The following HEPH variants were observed in gnomAD, a reference collection of about 807,000 sequenced individuals.
HEPH encodes hephaestin.
Under a neutral mutation model 80.8 loss-of-function variants are expected in HEPH, and 69 were observed. The ratio of observed to expected loss-of-function variants is 0.85; its 90% CI spans 0.70 to 1.04. The LOEUF is 1.04. Ranked by LOEUF, HEPH falls within the 50% of genes least tolerant of loss-of-function variation. The probability of loss-of-function intolerance (pLI) is 0.00; values close to 1 mark genes in which losing one functional copy is unlikely to be tolerated. For synonymous variants in HEPH, 431 were observed against 322.8 expected, an observed-to-expected ratio of 1.34 and a Z score of -3.60; for missense variants, 1,115 against 891.3, an observed-to-expected ratio of 1.25 and a Z score of -3.20.
At chrX:66,187,381 G>C (rs1278668663) in intron 4 of HEPH, among the ~76,000 whole-genome samples, 1 of 111,041 alleles carries the variant, frequency 9.0e-6, no homozygotes, top group African/African-American at 3.3e-5. Context: ...CATTTGAGTG[G>C]GCTCTGTCAG....
intron 15 of HEPH, among the ~76,000 whole-genome samples, chrX:66,208,928 G>T (rs1464964822): frequency 1.8e-5 from 2 of 108,420 alleles, no homozygotes; most frequent in Non-Finnish European, 3.8e-5. Flanking sequence ...TACCCTTCTT[G>T]CAGACTGAAT....
rs2086574252 is a variant in HEPH at position 66,171,029 on chromosome X, T to G, written c.167+292T>G. On this transcript the variant is annotated intron_variant, in intron 2 of 20. Transcript: ENST00000343002. ...ACTTATTTAATAACAACTGTTTGAC[T>G]TTAAAAAAGAATAATGAAATATATA... The G allele has an allele frequency of 1.3e-5, 4 of 298,484 alleles. No individual in the cohort carries two copies. In the South Asian group the frequency reaches 1.6e-4, roughly 12 times the overall value. The allele number at this position is 298,484 out of a possible 1,213,427, so 24.6% of individuals were successfully genotyped here.
Position 66,227,767 on chromosome X carries a change from A to G in HEPH, c.2563+19521A>G, listed in dbSNP as rs180852883. ...TCCATTGCTCTATGTGCCTTTTTTTATACTAGTACCATGCTGTTTTGGTGA... is the reference window on the plus strand; with the variant it reads ...TCCATTGCTCTATGTGCCTTTTTTTGTACTAGTACCATGCTGTTTTGGTGA... On this transcript the variant is annotated intron_variant, in intron 15 of 20. Coordinates refer to ENST00000343002, the MANE Select transcript of HEPH (RefSeq NM_001367233.3). 1.4e-4 allele frequency among the ~76,000 whole-genome samples: 16 copies of G among 111,036 alleles called. No individual in the cohort carries two copies. The East Asian group carries it at 4.0e-3, about 27-fold the overall frequency.
chrX:66,223,185 T>C (rs1304204441), intron 15 of HEPH, among the ~76,000 whole-genome samples: 2 of 111,549 alleles, frequency 1.8e-5, no homozygotes, highest in Non-Finnish European at 3.8e-5. Context: ...TGGTGGTACC[T>C]GTGCTAAAAG....
intron 1 of HEPH, among the ~76,000 whole-genome samples, chrX:66,166,006 C>T (rs2086343670): frequency 9.0e-6 from 1 of 110,504 alleles, no homozygotes; most frequent in African/African-American, 3.3e-5. Flanking sequence ...TTATTACAAA[C>T]TAATGAGGGG....
chrX:66,263,753 A>G, intron 20 of HEPH, 65 bp downstream of exon 20: 1 of 1,052,806 alleles, frequency 9.5e-7, no homozygotes, highest in Non-Finnish European at 1.3e-6. Flanking sequence ...GGTTGGGTGA[A>G]GTACCTTTAG....
intron 4 of HEPH, among the ~76,000 whole-genome samples, chrX:66,176,210 A>G (rs773499638): frequency 8.9e-6 from 1 of 111,835 alleles, no homozygotes; most frequent in African/African-American, 3.3e-5. Flanking sequence ...TTTTGCTGAG[A>G]GTTTTAATCA....
At chrX:66,186,954 G>A (rs2087487761) in intron 4 of HEPH, among the ~76,000 whole-genome samples, 1 of 110,773 alleles carries the variant, frequency 9.0e-6, no homozygotes, top group Non-Finnish European at 1.9e-5. Flanking sequence ...TTGTTGGATT[G>A]GGTTAATTTG....
intron 1 of HEPH, among the ~76,000 whole-genome samples, chrX:66,165,265 A>T (rs944640785): frequency 1.8e-5 from 2 of 112,210 alleles, no homozygotes; most frequent in African/African-American, 3.2e-5. Context: ...AAAATAATTT[A>T]TTGAAAGGTC....
intron 15 of HEPH, among the ~76,000 whole-genome samples, chrX:66,250,782 G>A (rs986443461): frequency 7.2e-5 from 8 of 111,870 alleles, no homozygotes; most frequent in Admixed American, 6.6e-4. Context: ...GTATTCCATG[G>A]TATGAATGTA....
intron 15 of HEPH, among the ~76,000 whole-genome samples, chrX:66,254,003 G>A (rs1188762617): frequency 2.7e-5 from 3 of 110,973 alleles, no homozygotes; most frequent in Non-Finnish European, 5.7e-5. Flanking sequence ...GTAATGAAAT[G>A]GAAAATGAAT....
chrX:66,212,950 GA>G (rs958512940), intron 15 of HEPH, among the ~76,000 whole-genome samples: 2 of 108,687 alleles, frequency 1.8e-5, no homozygotes, highest in African/African-American at 6.7e-5. Flanking sequence ...TAATTCTTTT[GA>G]TTTTTTTTAT....
In HEPH at chrX:66,207,343, A is replaced by G; in HGVS notation, c.2431+9A>G. 2.6e-6 allele frequency: 3 copies of G among 1,161,437 alleles called. No individual in the cohort carries two copies. Among genetic ancestry groups the G allele is most frequent in the Non-Finnish European group, 3.5e-6 (3 of 866,158 alleles). On this transcript the variant is annotated intron_variant, in intron 14 of 20. Coordinates refer to ENST00000343002, the MANE Select transcript of HEPH (RefSeq NM_001367233.3). ...ACACTTGGGAATCTTGGGTAAGGGA[A>G]TTCTACTTCCCTCCTAGTGTTTAGC...
At chrX:66,262,071 C>T (rs1602577535) in intron 19 of HEPH, among the ~76,000 whole-genome samples, 1 of 112,518 alleles carries the variant, frequency 8.9e-6, no homozygotes, top group Admixed American at 9.4e-5. Context: ...TGACAATGAG[C>T]CAGCCCATAA....
chrX:66,217,720 T>C (rs190897625), intron 15 of HEPH, among the ~76,000 whole-genome samples: 2 of 111,629 alleles, frequency 1.8e-5, no homozygotes, highest in East Asian at 5.6e-4. Context: ...GCCTAAATGC[T>C]CCATTTAAAA....
At chrX:66,168,243 T>C (rs1483260151) in intron 1 of HEPH, among the ~76,000 whole-genome samples, 1 of 111,874 alleles carries the variant, frequency 8.9e-6, no homozygotes, top group Non-Finnish European at 1.9e-5. Flanking sequence ...GGAGTAGGAA[T>C]ATAGAAAGTA....
chrX:66,172,615 GTTTC>G lies in HEPH; in HGVS notation c.412+21_412+24del, dbSNP rs1569283951. 8.9e-7 allele frequency: 1 copy of G among 1,118,182 alleles called. No individual in the cohort carries two copies. Among genetic ancestry groups the G allele is most frequent in the East Asian group, 3.3e-5 (1 of 30,766 alleles). 92.2% of individuals were successfully genotyped at this position (1,118,182 alleles called of 1,213,427 possible). A position where few individuals can be genotyped will look rare whatever the true frequency, so the allele number is the denominator to read the frequency against. On this transcript the variant is annotated intron_variant, in intron 3 of 20. Transcript: ENST00000343002. Reference sequence around the variant, plus strand: ...GACTCTGAAGGTAAACCATTCCACCGTTTCTTTCCCCCATGCCCAACAAATATCA... The same window carrying G: ...GACTCTGAAGGTAAACCATTCCACCGTTTCCCCCATGCCCAACAAATATCA...
chrX:66,227,996 C>A (rs1377283519), intron 15 of HEPH, among the ~76,000 whole-genome samples: 2 of 111,287 alleles, frequency 1.8e-5, no homozygotes, highest in African/African-American at 6.5e-5. Flanking sequence ...ATCCTCACCT[C>A]TCACTGTATT....
At chrX:66,197,169 GCC>G (rs1262590078) in intron 9 of HEPH, among the ~76,000 whole-genome samples, 1 of 109,625 alleles carries the variant, frequency 9.1e-6, no homozygotes, top group African/African-American at 3.3e-5. Context: ...AGAAATTACA[GCC>G]TTAGTGTTTT....
Sources: gnomAD v4.1 joint callset for allele counts (sites outside exome capture counted in the v4.1 genomes callset) on GRCh38, gnomAD v4.1.1 for gene constraint, MANE v1.5 for transcripts, NCBI Gene and HGNC (gene_info 2026-07-23, HGNC 2026-07-21) for gene names.